Variants in LAMB4 observed in about 807,000 individuals in gnomAD.
LAMB4 encodes laminin subunit beta-4.
In LAMB4, 196 loss-of-function variants were observed where a neutral mutation model predicts 199.2. That is an observed-to-expected ratio of 0.98 (90% CI 0.88 to 1.11). The LOEUF (loss-of-function observed/expected upper bound fraction) is 1.11, where lower values mean the gene tolerates loss of function less well. Among genes scored for constraint, LAMB4 ranks in the 50% least tolerant of loss-of-function variants. The pLI is 0.00. For missense variants in LAMB4, 2,080 were observed against 2,171.2 expected, an observed-to-expected ratio of 0.96 and a Z score of 0.83; for synonymous variants, 744 against 770.6, an observed-to-expected ratio of 0.97 and a Z score of 0.57.
chr7:108,079,681 G>A lies in LAMB4; in HGVS notation c.1807C>T (p.Pro603Ser), dbSNP rs1163733838. Residue 603 changes from proline to serine, a missense_variant, in exon 15 of 34, where the codon CCT becomes TCT. By Grantham distance (74) the Pro-to-Ser change is moderately conservative. Coordinates refer to ENST00000388781, the MANE Select transcript of LAMB4 (RefSeq NM_007356.3). ...ACAGCAAATCTCAAGCCAGCCCCAG[G>A]GAGAACCCTGGCAAATCCAGGTCCA... is the stretch of plus-strand genomic sequence containing the variant. Reference protein sequence around the residue: ...WTGPGFARVLPGAGLRFAVNN... With the variant: ...WTGPGFARVLSGAGLRFAVNN... 6 of 1,613,046 alleles carry A rather than the reference G, an allele frequency of 3.7e-6. No individual in the cohort carries two copies. The Admixed American group carries it at 5.0e-5, about 13-fold the overall frequency.
At chr7:108,089,502 T>C (rs1331725639) in intron 14 of LAMB4, among the ~76,000 whole-genome samples, 1 of 152,222 alleles carries the variant, frequency 6.6e-6, no homozygotes, top group Non-Finnish European at 1.5e-5. Context: ...ATTCTCCTTA[T>C]CATTTGCACT....
At chr7:108,043,203 T>A (rs2035482940) in intron 29 of LAMB4, among the ~76,000 whole-genome samples, 1 of 152,118 alleles carries the variant, frequency 6.6e-6, no homozygotes, top group Non-Finnish European at 1.5e-5. Flanking sequence ...CCTATGATAT[T>A]TGATATCTAA....
chr7:108,042,381 T>TA (rs924314414), intron 29 of LAMB4, among the ~76,000 whole-genome samples: 3 of 151,688 alleles, frequency 2.0e-5, no homozygotes, highest in African/African-American at 7.3e-5. Flanking sequence ...CAATGAAGAG[T>TA]AATAAGAGGA....
At chr7:108,054,515 C>A (rs73195593) in intron 25 of LAMB4, among the ~76,000 whole-genome samples, 3 of 152,196 alleles carry the variant, frequency 2.0e-5, no homozygotes, top group African/African-American at 4.8e-5. Flanking sequence ...TAATCCAGGA[C>A]CTTTTCTTGG....
At chr7:108,106,417 C>T in intron 7 of LAMB4, 92 bp downstream of exon 7, 1 of 746,734 alleles carries the variant, frequency 1.3e-6, no homozygotes, top group Non-Finnish European at 2.1e-6. Context: ...GACTCCGTCT[C>T]AAGAAAAAAA....
At chr7:108,031,579 C>A (rs1200825399) in intron 31 of LAMB4, among the ~76,000 whole-genome samples, 4 of 151,984 alleles carry the variant, frequency 2.6e-5, no homozygotes, top group African/African-American at 9.7e-5. Context: ...ATTTTTTCTA[C>A]AACCTATGCA....
chr7:108,080,851 C>T (rs186458545), intron 14 of LAMB4, among the ~76,000 whole-genome samples: 11 of 151,486 alleles, frequency 7.3e-5, no homozygotes, highest in Admixed American at 2.0e-4. Context: ...AGGCTGGGTG[C>T]GGTGGCTCAG....
chr7:108,042,420 G>A (rs1271025233), intron 29 of LAMB4, among the ~76,000 whole-genome samples: 1 of 151,594 alleles, frequency 6.6e-6, no homozygotes, highest in Non-Finnish European at 1.5e-5. Flanking sequence ...AAACTAGATA[G>A]AAAGGAGGTC....
chr7:108,091,804 A>T, intron 13 of LAMB4, 28 bp from the exon 14 acceptor site: 1 of 1,612,062 alleles, frequency 6.2e-7, no homozygotes, highest in Non-Finnish European at 8.5e-7. Context: ...CATCATGAAA[A>T]AATGCAAAGT....
intron 17 of LAMB4, among the ~76,000 whole-genome samples, chr7:108,072,158 A>T (rs1481441327): frequency 6.6e-6 from 1 of 152,152 alleles, no homozygotes; most frequent in Non-Finnish European, 1.5e-5. Context: ...TGAAAGTTCC[A>T]TTGGATATTC....
chr7:108,129,989 T>G (rs868377939), intron 1 of LAMB4, among the ~76,000 whole-genome samples: 11 of 152,226 alleles, frequency 7.2e-5, no homozygotes, highest in Admixed American at 4.6e-4. Flanking sequence ...AAAACAAACA[T>G]TTGCTGAAAA....
chr7:108,098,008 ACC>A (rs1369744941), intron 11 of LAMB4, among the ~76,000 whole-genome samples: 1 of 152,046 alleles, frequency 6.6e-6, no homozygotes, highest in African/African-American at 2.4e-5. Context: ...ACTTTTTAAA[ACC>A]CAGAGGTTGG....
intron 25 of LAMB4, among the ~76,000 whole-genome samples, chr7:108,052,634 A>G (rs2035861532): frequency 6.6e-6 from 1 of 152,218 alleles, no homozygotes. Context: ...CATATGGTAA[A>G]ATAGAACCGT....
At chr7:108,090,637 G>T (rs1297778090) in intron 14 of LAMB4, among the ~76,000 whole-genome samples, 3 of 151,972 alleles carry the variant, frequency 2.0e-5, no homozygotes, top group Non-Finnish European at 4.4e-5. Flanking sequence ...CGTGCTGGGG[G>T]TGCTACAACC....
intron 2 of LAMB4, among the ~76,000 whole-genome samples, chr7:108,122,527 GT>G (rs2150697420): frequency 6.6e-6 from 1 of 152,356 alleles, no homozygotes; most frequent in Non-Finnish European, 1.5e-5. Context: ...CTGAAGGTTT[GT>G]TGTCATGAAG....
intron 17 of LAMB4, among the ~76,000 whole-genome samples, chr7:108,076,315 T>C (rs1008148716): frequency 1.3e-5 from 2 of 152,056 alleles, no homozygotes; most frequent in Non-Finnish European, 2.9e-5. Flanking sequence ...TTGGAAGGAA[T>C]GCCCATTGCC....
intron 32 of LAMB4, 43 bp from the exon 33 acceptor site, chr7:108,029,239 G>A: frequency 6.5e-7 from 1 of 1,549,778 alleles, no homozygotes; most frequent in South Asian, 1.2e-5. Context: ...TATGTATAAA[G>A]CATGTACATA....
At chr7:108,123,029 A>T in intron 2 of LAMB4, 102 bp downstream of exon 2, 6 of 998,404 alleles carry the variant, frequency 6.0e-6, no homozygotes, top group Non-Finnish European at 8.8e-6. Context: ...ACATAAGCAT[A>T]CAGCACTATA....
chr7:108,043,546 T>TG, intron 29 of LAMB4, among the ~76,000 whole-genome samples: 3 of 3,912 alleles, frequency 7.7e-4, no homozygotes, highest in African/African-American at 3.4e-3. Context: ...GGCTATGATG[T>TG]TTTTTTTTTT....
Sources: gnomAD v4.1 joint callset for allele counts (sites outside exome capture counted in the v4.1 genomes callset) on GRCh38, gnomAD v4.1.1 for gene constraint, MANE v1.5 for transcripts, NCBI Gene and HGNC (gene_info 2026-07-23, HGNC 2026-07-21) for gene names.